ERC2: variants seen among roughly 807,000 people sequenced by gnomAD.
The protein encoded by ERC2 is ERC protein 2.
ERC2 carries 42 observed loss-of-function variants against 114.8 expected under a neutral mutation model. The observed-to-expected ratio is 0.37, with a 90% CI of 0.29 to 0.47. The LOEUF is 0.47. ERC2 is among the 20% of genes least tolerant of loss of function. The probability of loss-of-function intolerance (pLI) is 0.99; values close to 1 mark genes in which losing one functional copy is unlikely to be tolerated. For missense variants in ERC2, 939 were observed against 1,150.7 expected, an observed-to-expected ratio of 0.82 and a Z score of 2.66; for synonymous variants, 454 against 425.5, an observed-to-expected ratio of 1.07 and a Z score of -0.82.
At chr3:56,123,335 TGTG>T (rs2079689034) in intron 6 of ERC2, among the ~76,000 whole-genome samples, 1 of 152,050 alleles carries the variant, frequency 6.6e-6, no homozygotes, top group South Asian at 2.1e-4. Flanking sequence ...CTTTCTTTCA[TGTG>T]AGGACACAGC....
At chr3:55,740,328 CCTT>C (rs1484046254) in intron 14 of ERC2, among the ~76,000 whole-genome samples, 1 of 151,992 alleles carries the variant, frequency 6.6e-6, no homozygotes, top group African/African-American at 2.4e-5. Context: ...CTCTTTGTAA[CCTT>C]CTCCTTATTG....
intron 14 of ERC2, among the ~76,000 whole-genome samples, chr3:55,812,890 C>T (rs1157365746): frequency 6.6e-6 from 1 of 152,192 alleles, no homozygotes; most frequent in Non-Finnish European, 1.5e-5. Flanking sequence ...TTGCATGCTG[C>T]CTGGACCAAT....
At chr3:56,059,623 G>C (rs2149703958) in intron 7 of ERC2, among the ~76,000 whole-genome samples, 1 of 152,192 alleles carries the variant, frequency 6.6e-6, no homozygotes, top group East Asian at 1.9e-4. Context: ...AGAGTTGGAT[G>C]TATTCTCTGT....
chr3:55,938,358 C>T (rs2066583217), intron 13 of ERC2, among the ~76,000 whole-genome samples: 1 of 152,220 alleles, frequency 6.6e-6, no homozygotes, highest in Admixed American at 6.5e-5. Context: ...TAACTATGAT[C>T]TCATTCTAAC....
At chr3:56,262,653 A>T (rs1003938388) in intron 3 of ERC2, among the ~76,000 whole-genome samples, 20 of 152,370 alleles carry the variant, frequency 1.3e-4, no homozygotes, top group African/African-American at 4.6e-4. Flanking sequence ...AAATGAGCAC[A>T]GTTTCACTTG....
At chr3:55,901,121 C>T (rs1451405616) in intron 13 of ERC2, among the ~76,000 whole-genome samples, 3 of 152,308 alleles carry the variant, frequency 2.0e-5, no homozygotes, top group Admixed American at 6.5e-5. Flanking sequence ...CCAACAAATG[C>T]GTGGATGAAC....
intron 15 of ERC2, among the ~76,000 whole-genome samples, chr3:55,731,000 A>C (rs769155323): frequency 2.0e-5 from 3 of 152,218 alleles, no homozygotes; most frequent in Non-Finnish European, 4.4e-5. Flanking sequence ...TCAGCCATGC[A>C]GGTCAAGACA....
At chr3:55,817,643 C>T (rs2059956358) in intron 14 of ERC2, among the ~76,000 whole-genome samples, 1 of 152,158 alleles carries the variant, frequency 6.6e-6, no homozygotes, top group Admixed American at 6.5e-5. Flanking sequence ...GGCTCAGGGG[C>T]CAAAAGAACT....
intron 3 of ERC2, among the ~76,000 whole-genome samples, chr3:56,210,504 T>C (rs984887916): frequency 3.9e-5 from 6 of 152,242 alleles, no homozygotes; most frequent in African/African-American, 1.4e-4. Flanking sequence ...ATCCACACTG[T>C]AGGTGTGGGC....
At chr3:56,013,492 C>A (rs1156796980) in intron 8 of ERC2, among the ~76,000 whole-genome samples, 3 of 152,098 alleles carry the variant, frequency 2.0e-5, no homozygotes, top group African/African-American at 7.2e-5. Flanking sequence ...GAGCTACTGG[C>A]CTTGGGATAG....
At chr3:55,867,981 C>T (rs67824942) in intron 14 of ERC2, among the ~76,000 whole-genome samples, 28,864 of 152,006 alleles carry the variant, frequency 0.19, 4,124 homozygotes, top group African/African-American at 0.4. Flanking sequence ...TGTTAAAATA[C>T]CTAGCACTAC....
intron 13 of ERC2, among the ~76,000 whole-genome samples, chr3:55,939,077 C>T (rs1330345035): frequency 6.6e-6 from 1 of 152,136 alleles, no homozygotes; most frequent in African/African-American, 2.4e-5. Context: ...AAACATTTTT[C>T]AATTTGCTTC....
At chr3:55,677,247 A>C (rs2061854683) in intron 17 of ERC2, among the ~76,000 whole-genome samples, 1 of 152,200 alleles carries the variant, frequency 6.6e-6, no homozygotes, top group African/African-American at 2.4e-5. Context: ...TCCAACAATC[A>C]AACTTTCCTT....
intron 1 of ERC2, among the ~76,000 whole-genome samples, chr3:56,437,323 C>A (rs1171306239): frequency 6.6e-6 from 1 of 152,244 alleles, no homozygotes; most frequent in Non-Finnish European, 1.5e-5. Context: ...AGCCAACCAG[C>A]CACTGCCCAG....
At chr3:55,799,438 T>TATATATATGC (rs2070830841) in intron 14 of ERC2, among the ~76,000 whole-genome samples, 5 of 76,374 alleles carry the variant, frequency 6.5e-5, no homozygotes, top group Admixed American at 2.5e-4. Flanking sequence ...ATATATGCCT[T>TATATATATGC]ATATATATAT....
chr3:55,697,247 G>A (rs1173984648), intron 16 of ERC2, among the ~76,000 whole-genome samples: 2 of 152,162 alleles, frequency 1.3e-5, no homozygotes, highest in African/African-American at 4.8e-5. Flanking sequence ...CACTTCCCGG[G>A]CTCCAGATTT....
At chr3:55,716,927 G>C (rs2064155007) in intron 15 of ERC2, among the ~76,000 whole-genome samples, 1 of 152,132 alleles carries the variant, frequency 6.6e-6, no homozygotes, top group Non-Finnish European at 1.5e-5. Context: ...CCACATTTAG[G>C]GGTTACTGAC....
chr3:56,389,925 G>A (rs2060067778), intron 2 of ERC2, among the ~76,000 whole-genome samples: 1 of 152,114 alleles, frequency 6.6e-6, no homozygotes, highest in Non-Finnish European at 1.5e-5. Flanking sequence ...ACTTCACAAA[G>A]GTTGCTAAAT....
chr3:56,449,388 C>G (rs1357185236), intron 1 of ERC2, among the ~76,000 whole-genome samples: 1 of 152,164 alleles, frequency 6.6e-6, no homozygotes, highest in African/African-American at 2.4e-5. Flanking sequence ...GTGGACGGTG[C>G]AGTCAGAGGA....
Sources: allele counts gnomAD v4.1 joint callset (sites outside exome capture counted in the v4.1 genomes callset), GRCh38; gene constraint gnomAD v4.1.1; transcripts MANE v1.5; gene names NCBI Gene and HGNC (gene_info 2026-07-23, HGNC 2026-07-21).